CDHR5: variants seen among roughly 807,000 people sequenced by gnomAD.
CDHR5 encodes the protein cadherin related family member 5.
Under a neutral mutation model 69.5 loss-of-function variants are expected in CDHR5, and 82 were observed. The ratio of observed to expected loss-of-function variants is 1.18; its 90% CI spans 0.99 to 1.42. The LOEUF (loss-of-function observed/expected upper bound fraction) is 1.42, where lower values mean the gene tolerates loss of function less well. Among genes scored for constraint, CDHR5 ranks in the 40% most tolerant of loss-of-function variants. The pLI, the probability that CDHR5 is intolerant of heterozygous loss-of-function variation, is 0.00. For synonymous variants in CDHR5, 601 were observed against 510.2 expected (o/e 1.18, Z -2.40); for missense variants, 1,293 against 1,168.9 (o/e 1.11, Z -1.55).
chr11:624,165 C>T lies in CDHR5; in HGVS notation c.312+48G>A. The stretch of plus-strand genomic sequence containing the variant: ...TGGTCCTGGACCGGCAGGGCAGAGC[C>T]CAGCAGAGGTGGCCGGGTGGGGCGG... On this transcript the variant is annotated intron_variant, in intron 3 of 14. Coordinates refer to ENST00000397542, the MANE Select transcript of CDHR5 (RefSeq NM_021924.5). This position sits in a 1 kb window ranked among gnomAD's most constrained non-coding sequence, Gnocchi z 5.3. 1 of 732,794 alleles carries T rather than the reference C, an allele frequency of 1.4e-6. No individual in the cohort carries two copies. Among genetic ancestry groups the T allele is most frequent in the Non-Finnish European group, 2.5e-6 (1 of 394,916 alleles). The allele number at this position is 732,794 out of a possible 1,614,324, so 45.4% of individuals were successfully genotyped here. A position where few individuals can be genotyped will look rare whatever the true frequency, so the allele number is the denominator to read the frequency against.
At chr11:622,064 T>C (rs1352548918) in intron 3 of CDHR5, among the ~76,000 whole-genome samples, 160 bp from the exon 4 acceptor site, 4 of 141,328 alleles carry the variant, frequency 2.8e-5, no homozygotes, top group African/African-American at 7.9e-5. Flanking sequence ...CCGTCCCTGC[T>C]GTGAGTGAGG....
At position 616,958 on chromosome 11, in the gene CDHR5, G is replaced by C. The variant is rs1319354284; in HGVS notation, c.*393C>G. On this transcript the variant is annotated 3_prime_UTR_variant, in exon 15 of 15. Transcript: ENST00000397542. Reference sequence around the variant, plus strand: ...GCAATCTCTGTGTAGGGTCGGGAGCGGGAGGTCTGAGATGAGCCGGGTGCC... The same window carrying C: ...GCAATCTCTGTGTAGGGTCGGGAGCCGGAGGTCTGAGATGAGCCGGGTGCC... The C allele has an allele frequency of 5.8e-5, 13 of 224,528 alleles. No homozygotes were observed. The highest frequency in any genetic ancestry group is 9.8e-5 in the South Asian group (1 of 10,254). 13.9% of individuals were successfully genotyped at this position (224,528 alleles called of 1,614,324 possible).
chr11:621,303 G>T lies in CDHR5; in HGVS notation c.618+42C>A. The T allele has an allele frequency of 4.3e-6, 7 of 1,611,050 alleles. No individual in the cohort carries two copies. The highest frequency in any genetic ancestry group is 5.1e-6 in the Non-Finnish European group (6 of 1,178,108). The stretch of plus-strand genomic sequence containing the variant: ...GCCTGGGAGCAGCTGGGGCCGGGGG[G>T]CCTCAAGTGTGTGGGACTCGGGGCT... On this transcript the variant is annotated intron_variant, in intron 6 of 14. Transcript: ENST00000397542. The surrounding 1 kb of genome is among the most constrained non-coding windows in gnomAD (Gnocchi z 4.4).
Position 621,444 on chromosome 11 carries a change from G to A in CDHR5, c.519C>T (p.Asp173=). ...GGTTTACACTCACCAGGGAGAAGTA[G>A]TCACTGGCACCCTGGGGAGGGTCAG... ...TLQEMTAGAS[D]YFSLVSVNRP... Residue 173 remains aspartate (D), a synonymous_variant, in exon 6 of 15, where the codon GAC becomes GAT. Coordinates refer to ENST00000397542, the MANE Select transcript of CDHR5 (RefSeq NM_021924.5). The surrounding 1 kb of genome is among the most constrained non-coding windows in gnomAD (Gnocchi z 4.4). 1.2e-6 allele frequency: 2 copies of A among 1,612,386 alleles called. No homozygotes were observed. The highest frequency in any genetic ancestry group is 1.7e-6 in the Non-Finnish European group (2 of 1,179,476).
At chr11:622,417 T>A (rs540361843) in intron 3 of CDHR5, among the ~76,000 whole-genome samples, 1 of 151,900 alleles carries the variant, frequency 6.6e-6, no homozygotes. Context: ...CCATTTTCTT[T>A]TCTCTGTTTT....
At position 621,319 on chromosome 11, in the gene CDHR5, A is replaced by T; in HGVS notation, c.618+26T>A. The T allele has an allele frequency of 6.2e-7, 1 of 1,611,338 alleles. No homozygotes were observed. The highest frequency in any genetic ancestry group is 8.5e-7 in the Non-Finnish European group (1 of 1,178,918). ...GGCCGGGGGGCCTCAAGTGTGTGGG[A>T]CTCGGGGCTGGGGTGACCTGCTCAC... On this transcript the variant is annotated intron_variant, in intron 6 of 14. Transcript: ENST00000397542. The surrounding 1 kb of genome is among the most constrained non-coding windows in gnomAD (Gnocchi z 4.4).
Position 619,681 on chromosome 11 carries a change from C to G in CDHR5, c.1179G>C (p.Ser393=), listed in dbSNP as rs372772878. 3.7e-5 allele frequency: 59 copies of G among 1,613,172 alleles called. 1 individual carries two copies. Among genetic ancestry groups the G allele is most frequent in the Non-Finnish European group, 4.5e-5 (53 of 1,179,884 alleles). Residue 393 remains serine, a splice_region_variant and synonymous_variant, in exon 10 of 15, where the codon TCG becomes TCC. Transcript: ENST00000397542. ...LRIQAQDPEF[S]DLNSAITYRI... is the part of the protein sequence containing the mutation. The stretch of plus-strand genomic sequence containing the variant: ...GGGAGGCCTTGGATGCACTCTCTAC[C>G]GAGAACTCCGGGTCCTGAGCCTGGA...
In CDHR5 at chr11:618,631, G is replaced by A. The variant is rs147052847; in HGVS notation, c.1928C>T (p.Pro643Leu). Reference protein sequence around the residue: ...AQTPEPGTSQPMPLSKSTPSS... With the variant: ...AQTPEPGTSQLMPLSKSTPSS... ...TGGGGTGCTCTTGCTGAGGGGCATCGGCTGAGAGGTTCCTGGCTCTGGGGT... is the reference window on the plus strand; with the variant it reads ...TGGGGTGCTCTTGCTGAGGGGCATCAGCTGAGAGGTTCCTGGCTCTGGGGT... The change falls in exon 13 of 15, where the codon CCG becomes CTG. Residue 643 changes from proline (P) to leucine (L), a missense_variant. Coordinates refer to ENST00000397542, the MANE Select transcript of CDHR5 (RefSeq NM_021924.5). 1.0e-4 allele frequency: 165 copies of A among 1,613,870 alleles called. No homozygotes were observed. The African/African-American group carries it at 1.4e-3, about 13-fold the overall frequency.
At chr11:620,412 A>C in intron 7 of CDHR5, 26 bp from the exon 8 acceptor site, 1 of 1,529,058 alleles carries the variant, frequency 6.5e-7, no homozygotes, top group Non-Finnish European at 9.0e-7. Flanking sequence ...AAGGGAGGGC[A>C]CGTCGTGGGG....
rs1002193325 is a variant in CDHR5 at position 617,968 on chromosome 11, A to G, written c.2104T>C (p.Cys702Arg). 6.2e-7 allele frequency: 1 copy of G among 1,611,332 alleles called. No homozygotes were observed. The highest frequency in any genetic ancestry group is 8.5e-7 in the Non-Finnish European group (1 of 1,179,656). ...CTGGGCCTCACCGGAGCTTTGCCAC[A>G]GCAGCACTTGAGCCGGGGGCCATAG... ...KHYGPRLKCC[C>R]GKAPEPQPQG... The change falls in exon 14 of 15, where the codon TGT becomes CGT. Residue 702 changes from cysteine (C) to arginine (R), a missense_variant. Physicochemically the swap from Cys to Arg is radical, Grantham distance 180 (BLOSUM62 -3). Transcript: ENST00000397542.
In CDHR5 at chr11:617,783, G is replaced by A. The variant is rs1857048981; in HGVS notation, c.2119-13C>T. ...GGGGCTGGGGCTCCTGCAGGCGGGA[G>A]TCGAGGCGTCAGCGGGGTCCCTGGG... is the stretch of plus-strand genomic sequence containing the variant. On this transcript the variant is annotated splice_polypyrimidine_tract_variant and intron_variant, in intron 14 of 14. Transcript: ENST00000397542. 1 of 1,449,300 alleles carries A rather than the reference G, an allele frequency of 6.9e-7. No homozygotes were observed. Among genetic ancestry groups the A allele is most frequent in the Non-Finnish European group, 9.0e-7 (1 of 1,107,064 alleles). The allele number at this position is 1,449,300 out of a possible 1,614,324, so 89.8% of individuals were successfully genotyped here.
chr11:621,416 G>A lies in CDHR5; in HGVS notation c.547C>T (p.Pro183Ser). The A allele has an allele frequency of 6.2e-7, 1 of 1,612,774 alleles. No homozygotes were observed. Residue 183 changes from proline (P) to serine (S), a missense_variant, in exon 6 of 15, where the codon CCC becomes TCC. Physicochemically the swap from Pro to Ser is moderately conservative, Grantham distance 74 (BLOSUM62 -1). Coordinates refer to ENST00000397542, the MANE Select transcript of CDHR5 (RefSeq NM_021924.5). The surrounding 1 kb of genome is among the most constrained non-coding windows in gnomAD (Gnocchi z 4.4). ...AGGGGCCGGTCCAGCCTCAGGGCGG[G>A]ACGGTTTACACTCACCAGGGAGAAG... ...DYFSLVSVNR[P>S]ALRLDRPLDF...
chr11:617,776 G>GGC lies in CDHR5; in HGVS notation c.2119-8_2119-7dup. ...AAGCCTTGGGGCTGGGGCTCCTGCA[G>GGC]GCGGGAGTCGAGGCGTCAGCGGGGT... On this transcript the variant is annotated splice_polypyrimidine_tract_variant and splice_region_variant and intron_variant, in intron 14 of 14. Coordinates refer to ENST00000397542, the MANE Select transcript of CDHR5 (RefSeq NM_021924.5). 6.9e-7 allele frequency: 1 copy of GGC among 1,450,320 alleles called. No homozygotes were observed. Among genetic ancestry groups the GGC allele is most frequent in the South Asian group, 1.4e-5 (1 of 69,000 alleles). 89.8% of individuals were successfully genotyped at this position (1,450,320 alleles called of 1,614,324 possible).
At chr11:619,647 C>T in intron 10 of CDHR5, 34 bp downstream of exon 10, 1 of 1,610,720 alleles carries the variant, frequency 6.2e-7, no homozygotes, top group East Asian at 2.2e-5. Context: ...CCCTGACCCA[C>T]CCACAGAGGG....
Position 622,101 on chromosome 11 carries a change from C to T in CDHR5, c.313-197G>A, listed in dbSNP as rs532257737. 2.4e-3 allele frequency among the ~76,000 whole-genome samples: 362 copies of T among 151,062 alleles called. 3 individuals are homozygous for T. The highest frequency in any genetic ancestry group is 5.3e-3 in the South Asian group (25 of 4,748). ...GCACCCCTCAACGGCCACCCGTCCC[C>T]GCCGTGAGTGAGGTGCACCCCTCAA... On this transcript the variant is annotated intron_variant, in intron 3 of 14. Coordinates refer to ENST00000397542, the MANE Select transcript of CDHR5 (RefSeq NM_021924.5).
In CDHR5 at chr11:619,704, G is replaced by A. The variant is rs1168058695; in HGVS notation, c.1156C>T (p.Gln386Ter). ...AAAPSQPLRIQAQDPEFSDLN... is the reference protein window; with the variant it reads ...AAAPSQPLRI Reference sequence around the variant, plus strand: ...ACCGAGAACTCCGGGTCCTGAGCCTGGATCCTCAGAGGCTGAGAAGGGGCA... The same window carrying A: ...ACCGAGAACTCCGGGTCCTGAGCCTAGATCCTCAGAGGCTGAGAAGGGGCA... Residue 386 changes from glutamine to a stop codon, truncating the protein, a stop_gained, in exon 10 of 15, where the codon CAG becomes TAG. Coordinates refer to ENST00000397542, the MANE Select transcript of CDHR5 (RefSeq NM_021924.5). LOFTEE classifies it high-confidence loss of function. 1.9e-6 allele frequency: 3 copies of A among 1,613,096 alleles called. No homozygotes were observed. The highest frequency in any genetic ancestry group is 1.3e-5 in the African/African-American group (1 of 74,922).
rs751648086 is a variant in CDHR5, at chr11:621,120, T to G, written c.749A>C (p.Gln250Pro). The G allele has an allele frequency of 1.3e-6, 2 of 1,581,116 alleles. No individual in the cohort carries two copies. Among genetic ancestry groups the G allele is most frequent in the South Asian group, 2.3e-5 (2 of 86,056 alleles). Residue 250 changes from glutamine to proline, a missense_variant, in exon 7 of 15, where the codon CAA (glutamine) becomes CCA (proline). Physicochemically the swap from Gln to Pro is moderately conservative, Grantham distance 76 (BLOSUM62 -1). Coordinates refer to ENST00000397542, the MANE Select transcript of CDHR5 (RefSeq NM_021924.5). The surrounding 1 kb of genome is among the most constrained non-coding windows in gnomAD (Gnocchi z 4.4). ...GGGGACAGCCCCGTGGTACTGAGCT[T>G]GAATGCAGACGTAGCCATCTGAGAA... ...CTFSDGYVCI[Q>P]AQYHGAVPTG...
At chr11:622,212 G>C (rs1857454876) in intron 3 of CDHR5, among the ~76,000 whole-genome samples, 1 of 152,230 alleles carries the variant, frequency 6.6e-6, no homozygotes, top group Non-Finnish European at 1.5e-5. Flanking sequence ...GGGCTACAGG[G>C]GCTGCACAGC....
rs776725249 is a variant in CDHR5, at chr11:619,762, G to A, written c.1098C>T (p.Gly366=). The A allele has an allele frequency of 1.7e-5, 27 of 1,610,952 alleles. 1 individual carries two copies. Among genetic ancestry groups the A allele is most frequent in the Middle Eastern group, 3.3e-4 (2 of 6,084 alleles). The part of the protein sequence containing the change: ...QRLYRGTVAR[G]AGAGVVVKDA... ...CCTTGACCACAACGCCCGCTCCAGC[G>A]CCACGCGCCACGGTGCCACGATACA... Residue 366 remains glycine, a synonymous_variant, in exon 10 of 15, where the codon GGC becomes GGT. Transcript: ENST00000397542.
Sources: gnomAD v4.1 joint callset for allele counts (sites outside exome capture counted in the v4.1 genomes callset) on GRCh38, gnomAD v4.1.1 for gene constraint, Gnocchi (gnomAD v3.1) non-coding constraint, MANE v1.5 for transcripts, NCBI Gene and HGNC (gene_info 2026-07-23, HGNC 2026-07-21) for gene names.